TSHZ2: variants seen among roughly 807,000 people sequenced by gnomAD.
TSHZ2 encodes the protein teashirt homolog 2.
TSHZ2 carries 21 observed loss-of-function variants against 74.4 expected under a neutral mutation model. The ratio of observed to expected loss-of-function variants is 0.28; its 90% CI spans 0.20 to 0.41. The LOEUF is 0.41. Ranked by LOEUF, TSHZ2 falls within the 10% of genes least tolerant of loss-of-function variation. TSHZ2 has a pLI of 1.00. For missense variants in TSHZ2, 1,244 were observed against 1,293.5 expected (o/e 0.96, Z 0.59); for synonymous variants, 540 against 515.3 (o/e 1.05, Z -0.65).
chr20:53,023,187 T>G (rs751762017), intron 1 of TSHZ2, among the ~76,000 whole-genome samples: 2 of 152,248 alleles, frequency 1.3e-5, no homozygotes, highest in Non-Finnish European at 2.9e-5. Context: ...CTACATTTTT[T>G]GGGTGTATTG....
At position 53,489,418 on chromosome 20, in the gene TSHZ2, TA is replaced by T; in HGVS notation, c.*2284del. 1 of 345,806 alleles carries T rather than the reference TA, an allele frequency of 2.9e-6. No individual in the cohort carries two copies. The highest frequency in any genetic ancestry group is 5.7e-6 in the Non-Finnish European group (1 of 176,108). The allele number at this position is 345,806 out of a possible 1,614,324, so 21.4% of individuals were successfully genotyped here. ...TTCTATTAAAGGAAAATCAATGCAT[TA>T]GTATTGGGGTTCTCGTAGCTGTTAA... On this transcript the variant is annotated 3_prime_UTR_variant, in exon 3 of 3. Transcript: ENST00000371497.
chr20:53,321,697 A>AAAAAAAAAAAAAAAAAAAG (rs1555850300), intron 2 of TSHZ2, among the ~76,000 whole-genome samples: 5 of 140,516 alleles, frequency 3.6e-5, no homozygotes, highest in African/African-American at 1.1e-4. Context: ...AAAAAAAAAA[A>AAAAAAAAAAAAAAAAAAAG]AAAGAAAGAC....
chr20:53,354,623 G>C (rs1980776693), intron 2 of TSHZ2, among the ~76,000 whole-genome samples: 1 of 152,162 alleles, frequency 6.6e-6, no homozygotes, highest in Admixed American at 6.5e-5. Context: ...TGTCTTGCCT[G>C]ATTTTTAGTC....
At chr20:53,349,557 C>T (rs552726137) in intron 2 of TSHZ2, among the ~76,000 whole-genome samples, 97 of 150,034 alleles carry the variant, frequency 6.5e-4, no homozygotes, top group Admixed American at 2.1e-3. Flanking sequence ...GAGGCTGAGG[C>T]GGGAGGATCA....
chr20:53,467,893 T>C (rs1452774211), intron 2 of TSHZ2, among the ~76,000 whole-genome samples: 1 of 152,190 alleles, frequency 6.6e-6, no homozygotes, highest in Non-Finnish European at 1.5e-5. Context: ...ATACGTAGTG[T>C]CTGGAAGAGA....
At chr20:53,345,263 G>A (rs1030336373) in intron 2 of TSHZ2, among the ~76,000 whole-genome samples, 1 of 152,152 alleles carries the variant, frequency 6.6e-6, no homozygotes, top group African/African-American at 2.4e-5. Context: ...CAGGTGAGAT[G>A]ACAGGGAACT....
At chr20:53,112,735 C>T (rs1986569734) in intron 1 of TSHZ2, among the ~76,000 whole-genome samples, 1 of 152,104 alleles carries the variant, frequency 6.6e-6, no homozygotes, top group South Asian at 2.1e-4. Flanking sequence ...TCAGGAATTC[C>T]AGACCAGGAA....
At chr20:53,152,217 A>G (rs1231605877) in intron 1 of TSHZ2, among the ~76,000 whole-genome samples, 1 of 152,210 alleles carries the variant, frequency 6.6e-6, no homozygotes, top group African/African-American at 2.4e-5. Flanking sequence ...CTGTGAAAGT[A>G]AAAAAGCATT....
Position 53,254,285 on chromosome 20 carries a change from A to G in TSHZ2, c.827A>G (p.Lys276Arg). Residue 276 changes from lysine to arginine, a missense_variant, in exon 2 of 3, where the codon AAA (lysine) becomes AGA (arginine). Lys to Arg is a conservative substitution (Grantham distance 26). Around this residue, in one of 6 missense-constraint regions of TSHZ2, gnomAD observed 470 missense variants for 456.5 expected, o/e 1.03. Coordinates refer to ENST00000371497, the MANE Select transcript of TSHZ2 (RefSeq NM_173485.6). ...AAAGAGGATGCTCAAAAGGTTCTGA[A>G]ATGTATGTTTTGTGGCGACTCCTTT... is the stretch of plus-strand genomic sequence containing the variant. ...MDKEDAQKVL[K>R]CMFCGDSFDS... is the part of the protein sequence containing the mutation. 1 of 1,614,162 alleles carries G rather than the reference A, an allele frequency of 6.2e-7. No individual in the cohort carries two copies.
At chr20:52,996,847 A>C (rs2122941520) in intron 1 of TSHZ2, among the ~76,000 whole-genome samples, 1 of 152,226 alleles carries the variant, frequency 6.6e-6, no homozygotes, top group South Asian at 2.1e-4. Context: ...GCTGCTGTTG[A>C]TTTAGTCCAA....
At chr20:53,020,073 G>A (rs1274467460) in intron 1 of TSHZ2, among the ~76,000 whole-genome samples, 1 of 152,094 alleles carries the variant, frequency 6.6e-6, no homozygotes, top group Non-Finnish European at 1.5e-5. Flanking sequence ...TTTTAAAACC[G>A]TGAGAGCTCG....
At chr20:53,260,252 A>G (rs1990576900) in intron 2 of TSHZ2, among the ~76,000 whole-genome samples, 1 of 152,140 alleles carries the variant, frequency 6.6e-6, no homozygotes, top group Non-Finnish European at 1.5e-5. Flanking sequence ...TGCAAACATT[A>G]TTTTGCTTTA....
chr20:53,364,422 A>T (rs1022412079), intron 2 of TSHZ2, among the ~76,000 whole-genome samples: 1 of 152,120 alleles, frequency 6.6e-6, no homozygotes. Flanking sequence ...TCTCCTCTCT[A>T]TCCTGCCCCA....
At chr20:53,182,722 G>A (rs1164382826) in intron 1 of TSHZ2, among the ~76,000 whole-genome samples, 1 of 152,100 alleles carries the variant, frequency 6.6e-6, no homozygotes, top group Non-Finnish European at 1.5e-5. Context: ...AGGGTTTTCT[G>A]CCAAATTTGT....
At chr20:53,025,350 AATT>A (rs1300765113) in intron 1 of TSHZ2, among the ~76,000 whole-genome samples, 3 of 152,090 alleles carry the variant, frequency 2.0e-5, no homozygotes, top group Non-Finnish European at 4.4e-5. Flanking sequence ...TCTGGTTGTC[AATT>A]ATTATTATTA....
At chr20:53,178,140 TCCATTTCTGCGCTAC>T (rs1441393306) in intron 1 of TSHZ2, 1 of 152,196 alleles carries the variant, frequency 6.6e-6, no homozygotes, top group African/African-American at 2.4e-5. Flanking sequence ...TCTTTTACCT[TCCATTTCTGCGCTAC>T]CCTGCTGTTC....
rs768532117 is a variant in TSHZ2, at chr20:53,254,761, G to T, written c.1303G>T (p.Ala435Ser). The T allele has an allele frequency of 1.4e-5, 23 of 1,613,114 alleles. No individual in the cohort carries two copies. The highest frequency in any genetic ancestry group is 5.3e-5 in the African/African-American group (4 of 74,876). The change falls in exon 2 of 3, where the codon GCC becomes TCC. Residue 435 changes from alanine (A) to serine (S), a missense_variant. Physicochemically the swap from Ala to Ser is moderately conservative, Grantham distance 99 (BLOSUM62 1). Transcript: ENST00000371497. ...AVEKMQSLSE[A>S]PNSDSLAPKP... ...GGAGAAAATGCAGTCGTTGTCTGAGGCCCCAAACAGTGATTCTCTGGCTCC... is the reference window on the plus strand; with the variant it reads ...GGAGAAAATGCAGTCGTTGTCTGAGTCCCCAAACAGTGATTCTCTGGCTCC...
chr20:53,463,420 AAGGAAGGAAGGAAGG>A (rs1388182705), intron 2 of TSHZ2, among the ~76,000 whole-genome samples: 127 of 123,470 alleles, frequency 1.0e-3, no homozygotes, highest in African/African-American at 1.9e-3. Flanking sequence ...GGAAGGAAGG[AAGGAAGGAAGGAAGG>A]AGGGAGGGAG....
chr20:53,159,099 C>T (rs1987865670), intron 1 of TSHZ2, among the ~76,000 whole-genome samples: 1 of 152,234 alleles, frequency 6.6e-6, no homozygotes, highest in African/African-American at 2.4e-5. Context: ...CAGCCTCTTA[C>T]CCTCACAACC....
Sources: gnomAD v4.1 joint callset for allele counts (sites outside exome capture counted in the v4.1 genomes callset) on GRCh38, gnomAD v4.1.1 for gene constraint, gnomAD v4.1.1 regional missense constraint, MANE v1.5 for transcripts, NCBI Gene and HGNC (gene_info 2026-07-23, HGNC 2026-07-21) for gene names.